Variants in NKAIN3 observed in about 807,000 individuals in gnomAD.
NKAIN3 encodes sodium/potassium-transporting ATPase subunit beta-1-interacting protein 3.
In NKAIN3, 25 loss-of-function variants were observed where a neutral mutation model predicts 30.2. That is an observed-to-expected ratio of 0.83 (90% CI 0.60 to 1.16). The LOEUF is 1.16. NKAIN3 is among the 50% of genes most tolerant of loss of function. The pLI, the probability that NKAIN3 is intolerant of heterozygous loss-of-function variation, is 0.00. For missense variants in NKAIN3, 225 were observed against 254.1 expected (o/e 0.89, Z 0.78); for synonymous variants, 91 against 89.6 (o/e 1.02, Z -0.09).
intron 5 of NKAIN3, among the ~76,000 whole-genome samples, chr8:62,941,291 C>A (rs1371319907): frequency 6.6e-6 from 1 of 151,968 alleles, no homozygotes; most frequent in East Asian, 1.9e-4. Flanking sequence ...AGTCCAGGAC[C>A]AGATGGATTC....
At chr8:62,727,760 G>A (rs917000052) in intron 3 of NKAIN3, among the ~76,000 whole-genome samples, 5 of 152,120 alleles carry the variant, frequency 3.3e-5, no homozygotes, top group Admixed American at 3.3e-4. Context: ...CAAGATGTCA[G>A]TCTTTCCCAA....
At chr8:62,385,062 G>T (rs1323366495) in intron 1 of NKAIN3, among the ~76,000 whole-genome samples, 1 of 152,060 alleles carries the variant, frequency 6.6e-6, no homozygotes, top group Non-Finnish European at 1.5e-5. Flanking sequence ...TCACCCACAG[G>T]ACATGAGGAT....
At chr8:62,351,544 ACATATAT>A (rs1198594317) in intron 1 of NKAIN3, among the ~76,000 whole-genome samples, 1 of 150,208 alleles carries the variant, frequency 6.7e-6, no homozygotes, top group Non-Finnish European at 1.5e-5. Flanking sequence ...TAAATACACA[ACATATAT>A]CATATATAAT....
intron 3 of NKAIN3, among the ~76,000 whole-genome samples, chr8:62,654,723 A>G (rs1471410096): frequency 6.6e-6 from 1 of 152,182 alleles, no homozygotes; most frequent in Non-Finnish European, 1.5e-5. Context: ...CAGGCAAACA[A>G]GATTTTCAAA....
chr8:62,460,949 T>G (rs1805981342), intron 1 of NKAIN3, among the ~76,000 whole-genome samples: 1 of 152,172 alleles, frequency 6.6e-6, no homozygotes, highest in Non-Finnish European at 1.5e-5. Context: ...CCGTAGGAGC[T>G]TAAAAGCTTT....
At chr8:62,364,225 T>TA (rs924758594) in intron 1 of NKAIN3, among the ~76,000 whole-genome samples, 30 of 152,344 alleles carry the variant, frequency 2.0e-4, no homozygotes, top group Admixed American at 1.4e-3. Context: ...GGGCTTTACT[T>TA]AATGTGTATA....
At chr8:62,331,041 C>T (rs769934328) in intron 1 of NKAIN3, among the ~76,000 whole-genome samples, 2 of 148,734 alleles carry the variant, frequency 1.3e-5, no homozygotes, top group Non-Finnish European at 3.0e-5. Flanking sequence ...TCCCTTCCTC[C>T]CTCCTCTTCT....
At chr8:62,724,241 T>G (rs1815187738) in intron 3 of NKAIN3, among the ~76,000 whole-genome samples, 1 of 152,088 alleles carries the variant, frequency 6.6e-6, no homozygotes, top group African/African-American at 2.4e-5. Flanking sequence ...TGTTTTTAAA[T>G]TTTTTATTTT....
intron 4 of NKAIN3, among the ~76,000 whole-genome samples, chr8:62,881,706 C>T (rs1043002002): frequency 1.2e-4 from 19 of 152,194 alleles, no homozygotes; most frequent in Non-Finnish European, 2.6e-4. Flanking sequence ...CAGCCATGTT[C>T]AGATTTTTGT....
intron 5 of NKAIN3, among the ~76,000 whole-genome samples, chr8:62,949,429 A>G (rs1319371751): frequency 6.6e-6 from 1 of 152,210 alleles, no homozygotes. Context: ...GTAGCTCTGT[A>G]ATTCCTTCAG....
At chr8:62,405,724 C>G (rs1378416166) in intron 1 of NKAIN3, among the ~76,000 whole-genome samples, 1 of 152,148 alleles carries the variant, frequency 6.6e-6, no homozygotes, top group Non-Finnish European at 1.5e-5. Context: ...TGTAATTGCT[C>G]ACCTGATTAC....
chr8:62,808,882 T>TA (rs1818391514), intron 4 of NKAIN3, among the ~76,000 whole-genome samples: 1 of 152,118 alleles, frequency 6.6e-6, no homozygotes, highest in Non-Finnish European at 1.5e-5. Context: ...GACTAAAATT[T>TA]ACTAGGCAGG....
chr8:62,291,459 A>G (rs1235854275), intron 1 of NKAIN3, among the ~76,000 whole-genome samples: 3 of 152,180 alleles, frequency 2.0e-5, no homozygotes, highest in Non-Finnish European at 4.4e-5. Flanking sequence ...ATTGGTTTCA[A>G]AGAACATCTT....
chr8:62,529,330 A>T (rs571045493), intron 1 of NKAIN3, among the ~76,000 whole-genome samples: 1 of 152,168 alleles, frequency 6.6e-6, no homozygotes, highest in Non-Finnish European at 1.5e-5. Flanking sequence ...TCACTGACAC[A>T]TTGCTCCCTT....
intron 3 of NKAIN3, among the ~76,000 whole-genome samples, chr8:62,596,975 C>T (rs1028455580): frequency 2.6e-5 from 4 of 152,078 alleles, no homozygotes; most frequent in African/African-American, 9.7e-5. Flanking sequence ...TCTTCTTTAG[C>T]AGTGAGTATG....
At chr8:62,880,177 G>A (rs1012206439) in intron 4 of NKAIN3, among the ~76,000 whole-genome samples, 1 of 152,124 alleles carries the variant, frequency 6.6e-6, no homozygotes, top group Non-Finnish European at 1.5e-5. Flanking sequence ...TTTTAGATGT[G>A]GAAACAAAGA....
At chr8:62,739,267 GAA>G (rs574237070) in intron 3 of NKAIN3, among the ~76,000 whole-genome samples, 2 of 147,164 alleles carry the variant, frequency 1.4e-5, no homozygotes, top group Admixed American at 6.7e-5. Context: ...TATAATTTAC[GAA>G]AAAAAAAAAT....
At chr8:62,766,655 T>G (rs182005913) in intron 4 of NKAIN3, among the ~76,000 whole-genome samples, 3 of 152,126 alleles carry the variant, frequency 2.0e-5, no homozygotes, top group Admixed American at 2.0e-4. Flanking sequence ...GGGTAGGCTA[T>G]TGAGCAAAAA....
At chr8:62,325,788 A>AT (rs1815097232) in intron 1 of NKAIN3, among the ~76,000 whole-genome samples, 2 of 151,832 alleles carry the variant, frequency 1.3e-5, no homozygotes, top group South Asian at 2.1e-4. Context: ...GATGTTTAGC[A>AT]TTTTTTCGTG....
Sources: gnomAD v4.1 joint callset for allele counts (sites outside exome capture counted in the v4.1 genomes callset) on GRCh38, gnomAD v4.1.1 for gene constraint, MANE v1.5 for transcripts, NCBI Gene and HGNC (gene_info 2026-07-23, HGNC 2026-07-21) for gene names.